Variants in EYA2 observed in about 807,000 individuals in gnomAD.
EYA2 encodes protein phosphatase EYA2.
A neutral mutation model predicts 69.2 loss-of-function variants in EYA2; 31 were observed. That is an observed-to-expected ratio of 0.45 (90% CI 0.34 to 0.60). The LOEUF is 0.60. EYA2 is among the 20% of genes least tolerant of loss of function. EYA2 has a pLI of 0.02. For missense variants in EYA2, 622 were observed against 701.2 expected (o/e 0.89, Z 1.28); for synonymous variants, 257 against 279.4 (o/e 0.92, Z 0.80).
At chr20:47,146,755 T>C (rs909766174) in intron 10 of EYA2, among the ~76,000 whole-genome samples, 1 of 152,172 alleles carries the variant, frequency 6.6e-6, no homozygotes, top group African/African-American at 2.4e-5. Context: ...TCCGAGCCTG[T>C]AGTAGTACCA....
At chr20:47,000,657 C>CT (rs1398378183) in intron 2 of EYA2, among the ~76,000 whole-genome samples, 2 of 152,152 alleles carry the variant, frequency 1.3e-5, no homozygotes, top group East Asian at 3.8e-4. Context: ...GCAAACGTCT[C>CT]TCCCAGCTTA....
intron 1 of EYA2, among the ~76,000 whole-genome samples, chr20:46,972,106 AG>A (rs1980181828): frequency 6.6e-6 from 1 of 152,204 alleles, no homozygotes; most frequent in African/African-American, 2.4e-5. Flanking sequence ...GGAATCTCTG[AG>A]GAGGTGACGT....
intron 9 of EYA2, among the ~76,000 whole-genome samples, chr20:47,097,459 A>G (rs767344794): frequency 6.6e-6 from 1 of 152,234 alleles, no homozygotes; most frequent in Non-Finnish European, 1.5e-5. Context: ...CCTTCCTAAG[A>G]CAGTGGGCTA....
intron 5 of EYA2, among the ~76,000 whole-genome samples, chr20:47,028,462 G>A (rs1984219746): frequency 6.6e-6 from 1 of 152,228 alleles, no homozygotes; most frequent in African/African-American, 2.4e-5. Flanking sequence ...TCAAAGCAAA[G>A]CAGGTCTACG....
At chr20:47,090,248 T>G (rs1489167894) in intron 8 of EYA2, among the ~76,000 whole-genome samples, 4 of 149,780 alleles carry the variant, frequency 2.7e-5, no homozygotes, top group African/African-American at 9.9e-5. Context: ...TTTTTTTTTT[T>G]GAATTGGAGC....
intron 9 of EYA2, among the ~76,000 whole-genome samples, chr20:47,109,860 C>A (rs1245175367): frequency 6.6e-6 from 1 of 152,166 alleles, no homozygotes; most frequent in Non-Finnish European, 1.5e-5. Context: ...GCTACACATC[C>A]CACAATGCAC....
At chr20:47,154,834 T>C (rs1184315671) in intron 10 of EYA2, among the ~76,000 whole-genome samples, 1 of 149,918 alleles carries the variant, frequency 6.7e-6, no homozygotes, top group East Asian at 2.0e-4. Context: ...TGTGTGTGTG[T>C]GTGTGTGTGT....
At chr20:47,068,292 A>G (rs2031188641) in intron 5 of EYA2, among the ~76,000 whole-genome samples, 1 of 152,242 alleles carries the variant, frequency 6.6e-6, no homozygotes, top group Admixed American at 6.5e-5. Context: ...TGAACTAATT[A>G]ATGGCCTCAG....
intron 1 of EYA2, among the ~76,000 whole-genome samples, chr20:46,986,936 G>C (rs750343367): frequency 7.2e-5 from 11 of 152,102 alleles, no homozygotes; most frequent in Non-Finnish European, 1.2e-4. Flanking sequence ...CCATATCAGG[G>C]TGGGATTCTG....
At chr20:47,021,754 C>G (rs1179591299) in intron 5 of EYA2, among the ~76,000 whole-genome samples, 1 of 151,848 alleles carries the variant, frequency 6.6e-6, no homozygotes, top group Non-Finnish European at 1.5e-5. Context: ...CACTCAGGAG[C>G]AACATAGAAT....
chr20:47,117,056 G>A lies in EYA2; in HGVS notation c.888+19888G>A, dbSNP rs576810276. Among the ~76,000 whole-genome samples the A allele has an allele frequency of 9.7e-5, 14 of 144,232 alleles. No individual in the cohort carries two copies. The South Asian group carries it at 3.0e-3, about 31-fold the overall frequency. The allele number at this position is 144,232 out of a possible 152,430, so 94.6% of individuals were successfully genotyped here. On this transcript the variant is annotated intron_variant, in intron 9 of 15. Coordinates refer to ENST00000327619, the MANE Select transcript of EYA2 (RefSeq NM_005244.5). The stretch of plus-strand genomic sequence containing the variant: ...CTGTCACCCAGACTTCAGTGCGGTA[G>A]TGCAGTGGTGTAGTGGTGCGATCTC...
At chr20:47,024,026 C>T (rs1377916034) in intron 5 of EYA2, among the ~76,000 whole-genome samples, 3 of 152,252 alleles carry the variant, frequency 2.0e-5, no homozygotes, top group Non-Finnish European at 4.4e-5. Context: ...TTGTAGTAAA[C>T]GTTTTAATGT....
chr20:46,938,075 G>A (rs1311284815), intron 1 of EYA2, among the ~76,000 whole-genome samples: 3 of 152,144 alleles, frequency 2.0e-5, no homozygotes, highest in Non-Finnish European at 2.9e-5. Context: ...CACACAGCTG[G>A]TAAATAAAGT....
intron 5 of EYA2, among the ~76,000 whole-genome samples, chr20:47,039,768 G>A (rs565288016): frequency 5.3e-5 from 8 of 150,114 alleles, no homozygotes; most frequent in African/African-American, 1.5e-4. Flanking sequence ...GTGTGACTGT[G>A]GGATATTTTT....
intron 1 of EYA2, among the ~76,000 whole-genome samples, chr20:46,936,296 C>T (rs1221563175): frequency 6.6e-6 from 1 of 152,168 alleles, no homozygotes; most frequent in South Asian, 2.1e-4. Flanking sequence ...CATGGCAAAA[C>T]CCTGCCTGTA....
At chr20:46,899,143 C>T (rs1428696570) in intron 1 of EYA2, among the ~76,000 whole-genome samples, 1 of 152,164 alleles carries the variant, frequency 6.6e-6, no homozygotes, top group African/African-American at 2.4e-5. Flanking sequence ...GACACAGGGC[C>T]AGACTGAGTG....
chr20:47,116,994 A>T lies in EYA2; in HGVS notation c.888+19826A>T, dbSNP rs867927188. On this transcript the variant is annotated intron_variant, in intron 9 of 15. Transcript: ENST00000327619. ...GTAGACTCACTGAACATGCATCTGC[A>T]TTTTTTTTTTTTTTTTTTTTGAGGC... 4.4e-3 allele frequency among the ~76,000 whole-genome samples: 513 copies of T among 117,012 alleles called. 4 individuals are homozygous for T. The highest frequency in any genetic ancestry group is 0.015 in the African/African-American group (433 of 29,752). 76.8% of individuals were successfully genotyped at this position (117,012 alleles called of 152,430 possible).
At position 47,135,833 on chromosome 20, in the gene EYA2, AAAAAAAAACAAACAAACAAAC is replaced by A. The variant is rs1320920230; in HGVS notation, c.889-7219_889-7199del. Among the ~76,000 whole-genome samples the A allele has an allele frequency of 3.7e-4, 31 of 82,850 alleles. 1 individual carries two copies. The highest frequency in any genetic ancestry group is 2.2e-3 in the African/African-American group (28 of 12,970). 54.4% of individuals were successfully genotyped at this position (82,850 alleles called of 152,430 possible). ...CCTGTCTCTACAAAAAAAAAAAAAA[AAAAAAAAACAAACAAACAAAC>A]AAAAAACTAATTAATTAATTAATTA... On this transcript the variant is annotated intron_variant, in intron 9 of 15. Coordinates refer to ENST00000327619, the MANE Select transcript of EYA2 (RefSeq NM_005244.5).
chr20:46,969,615 T>C (rs1282878579), intron 1 of EYA2, among the ~76,000 whole-genome samples: 1 of 152,224 alleles, frequency 6.6e-6, no homozygotes, highest in Non-Finnish European at 1.5e-5. Flanking sequence ...ATGGCTTTGG[T>C]TTCACTACCC....
Sources: gnomAD v4.1 joint callset for allele counts (sites outside exome capture counted in the v4.1 genomes callset) on GRCh38, gnomAD v4.1.1 for gene constraint, MANE v1.5 for transcripts, NCBI Gene and HGNC (gene_info 2026-07-23, HGNC 2026-07-21) for gene names.